CHN1: variants seen among roughly 807,000 people sequenced by gnomAD.
CHN1 encodes the protein N-chimaerin.
A neutral mutation model predicts 59.5 loss-of-function variants in CHN1; 37 were observed. The observed-to-expected ratio is 0.62, with a 90% CI of 0.48 to 0.82. The LOEUF is 0.82. Among genes scored for constraint, CHN1 ranks in the 40% least tolerant of loss-of-function variants. CHN1 has a pLI of 0.00. For missense variants in CHN1, 469 were observed against 571.0 expected (o/e 0.82, Z 1.82); for synonymous variants, 206 against 200.4 (o/e 1.03, Z -0.24).
intron 3 of CHN1, among the ~76,000 whole-genome samples, chr2:174,933,580 T>C (rs770044414): frequency 1.3e-5 from 2 of 152,078 alleles, no homozygotes; most frequent in African/African-American, 2.4e-5. Flanking sequence ...AAGTTCTGAG[T>C]GCAGACAGCA....
chr2:174,824,017 C>A (rs1474053985), intron 8 of CHN1, among the ~76,000 whole-genome samples: 1 of 152,176 alleles, frequency 6.6e-6, no homozygotes, highest in African/African-American at 2.4e-5. Context: ...TAAGGACAAT[C>A]CAGCTTAACA....
chr2:175,005,047 C>T lies in CHN1; in HGVS notation c.-135G>A. ...TGGGGCGTGCTGGGGGCGCCGGCGC[C>T]CGGGGAGGCTGCAGGCCGGGACGCG... On this transcript the variant is annotated 5_prime_UTR_variant, in exon 1 of 13. Transcript: ENST00000409900. The T allele has an allele frequency of 7.3e-7, 1 of 1,378,204 alleles. No homozygotes were observed. The allele number at this position is 1,378,204 out of a possible 1,614,324, so 85.4% of individuals were successfully genotyped here. A position where few individuals can be genotyped will look rare whatever the true frequency, so the allele number is the denominator to read the frequency against.
intron 6 of CHN1, chr2:174,847,585 A>G: frequency 7.7e-7 from 1 of 1,298,138 alleles, no homozygotes; most frequent in Non-Finnish European, 1.0e-6. Context: ...ACACCCTATG[A>G]AGCCCCTAGC....
chr2:174,875,735 T>C (rs997988453), intron 6 of CHN1: 3 of 782,274 alleles, frequency 3.8e-6, no homozygotes, highest in African/African-American at 3.8e-5. Flanking sequence ...TATTAAACCA[T>C]ACTAGTGTCA....
At chr2:174,813,392 G>A (rs1365959157) in intron 8 of CHN1, among the ~76,000 whole-genome samples, 1 of 152,200 alleles carries the variant, frequency 6.6e-6, no homozygotes, top group African/African-American at 2.4e-5. Flanking sequence ...ACCGCCACAT[G>A]TTCAGTTATC....
chr2:174,885,456 C>T (rs1404737513), intron 5 of CHN1, among the ~76,000 whole-genome samples: 1 of 151,870 alleles, frequency 6.6e-6, no homozygotes, highest in Non-Finnish European at 1.5e-5. Context: ...TAATATGAAG[C>T]TGCTTTTTCT....
chr2:174,983,958 CA>C (rs1691249156), intron 1 of CHN1, among the ~76,000 whole-genome samples: 1 of 151,936 alleles, frequency 6.6e-6, no homozygotes, highest in East Asian at 1.9e-4. Context: ...TCAGAAAGAA[CA>C]AAAGTCAGTT....
chr2:174,947,267 G>C (rs1689867909), intron 2 of CHN1, among the ~76,000 whole-genome samples: 1 of 152,064 alleles, frequency 6.6e-6, no homozygotes, highest in African/African-American at 2.4e-5. Context: ...ATTGATGTGG[G>C]TTTCAAATTT....
At chr2:174,840,161 C>CTTTTTTTTTTTTTTTTTT (rs71407154) in intron 7 of CHN1, among the ~76,000 whole-genome samples, 1 of 67,388 alleles carries the variant, frequency 1.5e-5, no homozygotes, top group Admixed American at 2.4e-4. Flanking sequence ...TAAAACCATT[C>CTTTTTTTTTTTTTTTTTT]TTTTTTTTTT....
At chr2:174,808,823 A>G (rs1465285797) in intron 11 of CHN1, 82 bp downstream of exon 11, 1 of 1,461,018 alleles carries the variant, frequency 6.8e-7, no homozygotes, top group East Asian at 2.3e-5. Context: ...CATAAAATGC[A>G]TTCAAGTTAG....
At chr2:174,812,572 G>T in intron 8 of CHN1, 90 bp from the exon 9 acceptor site, 1 of 1,224,364 alleles carries the variant, frequency 8.2e-7, no homozygotes, top group Non-Finnish European at 1.2e-6. Context: ...AGGCACTCCA[G>T]CTTGAATTAG....
chr2:175,004,882 G>C lies in CHN1; in HGVS notation c.19+12C>G. ...CCCACCTGCGGCGGCGCGGGGAGAC[G>C]GCTGCACTTACCAAACAGGGTCAGG... On this transcript the variant is annotated intron_variant, in intron 1 of 12. Transcript: ENST00000409900. 1 of 1,494,620 alleles carries C rather than the reference G, an allele frequency of 6.7e-7. No individual in the cohort carries two copies. Among genetic ancestry groups the C allele is most frequent in the Non-Finnish European group, 8.9e-7 (1 of 1,122,384 alleles). 92.6% of individuals were successfully genotyped at this position (1,494,620 alleles called of 1,614,324 possible). A position where few individuals can be genotyped will look rare whatever the true frequency, so the allele number is the denominator to read the frequency against.
At chr2:174,847,439 C>T in intron 6 of CHN1, 1 of 1,198,222 alleles carries the variant, frequency 8.3e-7, no homozygotes, top group Non-Finnish European at 1.0e-6. Flanking sequence ...CAGCATCTCT[C>T]TTTATCATTT....
Position 174,999,516 on chromosome 2 carries a change from C to G in CHN1, c.19+5378G>C, listed in dbSNP as rs1396365669. On this transcript the variant is annotated intron_variant, in intron 1 of 12. Transcript: ENST00000409900. Reference sequence around the variant, plus strand: ...AGGTTAAAACAATCTTATGAAAAACCTATAACTTATTATACTAATGTCATT... The same window carrying G: ...AGGTTAAAACAATCTTATGAAAAACGTATAACTTATTATACTAATGTCATT... 3.9e-5 allele frequency among the ~76,000 whole-genome samples: 6 copies of G among 152,134 alleles called. 1 individual carries two copies.
At chr2:174,966,999 G>A (rs1298426491) in intron 1 of CHN1, among the ~76,000 whole-genome samples, 2 of 151,980 alleles carry the variant, frequency 1.3e-5, no homozygotes, top group East Asian at 1.9e-4. Flanking sequence ...AATAGAATGC[G>A]CAAAACTCGA....
rs976670232 is a variant in CHN1, at chr2:174,981,419, T to C, written c.19+23475A>G. Among the ~76,000 whole-genome samples, 8 of 151,628 alleles carry C rather than the reference T, an allele frequency of 5.3e-5. 1 individual carries two copies. Among genetic ancestry groups the C allele is most frequent in the Admixed American group, 5.2e-4 (8 of 15,268 alleles). Reference sequence around the variant, plus strand: ...TTACTGAAAACATTCCTTTAACAAATTTTTGAGACAGTAAAAGATGCTAAC... The same window carrying C: ...TTACTGAAAACATTCCTTTAACAAACTTTTGAGACAGTAAAAGATGCTAAC... On this transcript the variant is annotated intron_variant, in intron 1 of 12. Transcript: ENST00000409900.
chr2:174,965,795 G>A (rs567419374), intron 1 of CHN1, among the ~76,000 whole-genome samples: 8 of 152,074 alleles, frequency 5.3e-5, no homozygotes, highest in South Asian at 4.1e-4. Context: ...GTTCTGTTTC[G>A]GTTCAATATT....
chr2:174,918,248 A>T (rs1251476632), intron 4 of CHN1, among the ~76,000 whole-genome samples: 1 of 152,166 alleles, frequency 6.6e-6, no homozygotes, highest in Non-Finnish European at 1.5e-5. Flanking sequence ...TGTACACAAA[A>T]ACACAAATAT....
intron 6 of CHN1, among the ~76,000 whole-genome samples, chr2:174,858,979 TACACACAC>T (rs71407155): frequency 1.8e-4 from 26 of 142,510 alleles, no homozygotes; most frequent in Admixed American, 9.9e-4. Context: ...TTTCCTCCTC[TACACACAC>T]ACACACACAC....
Sources: allele counts gnomAD v4.1 joint callset (sites outside exome capture counted in the v4.1 genomes callset), GRCh38; gene constraint gnomAD v4.1.1; transcripts MANE v1.5; gene names NCBI Gene and HGNC (gene_info 2026-07-23, HGNC 2026-07-21).